The following GSTCD variants were observed in gnomAD, a reference collection of about 807,000 sequenced individuals.
GSTCD encodes the protein glutathione S-transferase C-terminal domain-containing protein.
In GSTCD, 44 loss-of-function variants were observed where a neutral mutation model predicts 68.3. The ratio of observed to expected loss-of-function variants is 0.64; its 90% CI spans 0.51 to 0.83. GSTCD has a LOEUF of 0.83. Among genes scored for constraint, GSTCD ranks in the 40% least tolerant of loss-of-function variants. GSTCD has a pLI of 0.00. For synonymous variants in GSTCD, 273 were observed against 255.2 expected (o/e 1.07, Z -0.67); for missense variants, 739 against 735.9 (o/e 1.00, Z -0.05).
chr4:105,712,125 C>T (rs939212175), intron 1 of GSTCD, among the ~76,000 whole-genome samples: 1 of 152,202 alleles, frequency 6.6e-6, no homozygotes, highest in South Asian at 2.1e-4. Flanking sequence ...TATGTACATT[C>T]ATTCCTTGAA....
chr4:105,827,028 C>G (rs564875009), intron 8 of GSTCD: 1 of 152,100 alleles, frequency 6.6e-6, no homozygotes, highest in East Asian at 1.9e-4. Context: ...CTACAGTTTA[C>G]TTCTCTTTTT....
At chr4:105,734,015 C>G (rs879304848) in intron 5 of GSTCD, among the ~76,000 whole-genome samples, 2 of 152,116 alleles carry the variant, frequency 1.3e-5, no homozygotes, top group Non-Finnish European at 2.9e-5. Flanking sequence ...AATATTGGCC[C>G]CCACTCTCTT....
chr4:105,711,660 G>T (rs1379957342), intron 1 of GSTCD, among the ~76,000 whole-genome samples: 1 of 152,080 alleles, frequency 6.6e-6, no homozygotes, highest in Non-Finnish European at 1.5e-5. Flanking sequence ...AGTTATTATT[G>T]TCTCCATTTT....
chr4:105,720,068 G>T (rs73839008), intron 3 of GSTCD, among the ~76,000 whole-genome samples: 1 of 152,044 alleles, frequency 6.6e-6, no homozygotes, highest in African/African-American at 2.4e-5. Context: ...GCTTTTCTCT[G>T]TTCTCTCTGA....
intron 5 of GSTCD, among the ~76,000 whole-genome samples, chr4:105,758,808 C>T (rs192707983): frequency 3.3e-5 from 5 of 152,246 alleles, no homozygotes; most frequent in African/African-American, 9.6e-5. Flanking sequence ...GTTAAAGAAC[C>T]TCTGCTTCAT....
rs375034080 is a variant in GSTCD, at chr4:105,824,799, C to T, written c.1402-873C>T. ...CCCTGTCCCCCCATCACTACTATCA[C>T]CATGACACACATTGTGCCCTGGAAA... On this transcript the variant is annotated intron_variant, in intron 7 of 11. Transcript: ENST00000515279. 3.9e-5 allele frequency among the ~76,000 whole-genome samples: 6 copies of T among 152,168 alleles called. No homozygotes were observed. In the South Asian group the frequency reaches 8.3e-4, roughly 21 times the overall value.
At chr4:105,720,682 A>G (rs963934858) in intron 3 of GSTCD, among the ~76,000 whole-genome samples, 1 of 152,188 alleles carries the variant, frequency 6.6e-6, no homozygotes, top group Non-Finnish European at 1.5e-5. Flanking sequence ...GAGTGGGAAG[A>G]AGACATTGAT....
At chr4:105,824,231 T>C (rs1304634087) in intron 7 of GSTCD, among the ~76,000 whole-genome samples, 1 of 152,168 alleles carries the variant, frequency 6.6e-6, no homozygotes, top group African/African-American at 2.4e-5. Context: ...TTATTTTTCT[T>C]TTCTTAGAGA....
intron 8 of GSTCD, among the ~76,000 whole-genome samples, chr4:105,827,903 A>T (rs1011615401): frequency 1.3e-5 from 2 of 152,214 alleles, no homozygotes; most frequent in African/African-American, 4.8e-5. Flanking sequence ...AAATTATTAA[A>T]TTTTATAATA....
chr4:105,838,702 T>C (rs1010337684), intron 10 of GSTCD, among the ~76,000 whole-genome samples: 39 of 152,196 alleles, frequency 2.6e-4, no homozygotes, highest in Non-Finnish European at 4.9e-4. Flanking sequence ...TAGTCACCAA[T>C]CTGATCAAAA....
intron 5 of GSTCD, among the ~76,000 whole-genome samples, chr4:105,759,811 A>G (rs753312834): frequency 6.6e-6 from 1 of 152,170 alleles, no homozygotes; most frequent in Non-Finnish European, 1.5e-5. Flanking sequence ...ATCCATGTGG[A>G]CTTAAACAAA....
At chr4:105,723,594 C>T (rs1025052817) in intron 3 of GSTCD, among the ~76,000 whole-genome samples, 1 of 151,770 alleles carries the variant, frequency 6.6e-6, no homozygotes, top group African/African-American at 2.4e-5. Flanking sequence ...GTATGAGTAT[C>T]TGTGGATTTG....
At chr4:105,752,939 G>A (rs1388800717) in intron 5 of GSTCD, among the ~76,000 whole-genome samples, 1 of 152,002 alleles carries the variant, frequency 6.6e-6, no homozygotes, top group Non-Finnish European at 1.5e-5. Flanking sequence ...TAGTTGTGTG[G>A]GGCCATTTTA....
intron 5 of GSTCD, among the ~76,000 whole-genome samples, chr4:105,747,558 A>G (rs749969011): frequency 2.6e-5 from 4 of 152,238 alleles, no homozygotes; most frequent in African/African-American, 4.8e-5. Flanking sequence ...AACAGTATCA[A>G]ACCTGTCCAA....
rs139004000 is a variant in GSTCD, at chr4:105,727,644, T to A, written c.1146+814T>A. Among the ~76,000 whole-genome samples, 365 of 152,144 alleles carry A rather than the reference T, an allele frequency of 2.4e-3. 2 individuals carry two copies. Among genetic ancestry groups the A allele is most frequent in the African/African-American group, 8.5e-3 (354 of 41,530 alleles). On this transcript the variant is annotated intron_variant, in intron 4 of 11. Transcript: ENST00000515279. ...TTTTTACTTTAATCTTTGATTTTAA[T>A]GTTTTTGTTACATAAAAGCCTGGGT...
At chr4:105,751,691 A>G (rs909056589) in intron 5 of GSTCD, among the ~76,000 whole-genome samples, 2 of 151,976 alleles carry the variant, frequency 1.3e-5, no homozygotes, top group African/African-American at 2.4e-5. Flanking sequence ...ACTTCAAGAC[A>G]TCTTGAGGAT....
chr4:105,768,994 A>G lies in GSTCD; in HGVS notation c.1240+39495A>G, dbSNP rs183752791. ...ATAGAATATAGAATATATTATTCTCATATAAACCATTCAATAAAACAAGTA... is the reference window on the plus strand; with the variant it reads ...ATAGAATATAGAATATATTATTCTCGTATAAACCATTCAATAAAACAAGTA... On this transcript the variant is annotated intron_variant, in intron 5 of 11. Transcript: ENST00000515279. 8.7e-4 allele frequency among the ~76,000 whole-genome samples: 133 copies of G among 152,122 alleles called. 1 individual carries two copies. The highest frequency in any genetic ancestry group is 4.4e-3 in the Admixed American group (67 of 15,278).
chr4:105,717,606 A>G lies in GSTCD; in HGVS notation c.-8A>G, dbSNP rs368071641. 62 of 1,539,602 alleles carry G rather than the reference A, an allele frequency of 4.0e-5. No homozygotes were observed. Among genetic ancestry groups the G allele is most frequent in the Non-Finnish European group, 5.1e-5 (59 of 1,148,808 alleles). On this transcript the variant is annotated 5_prime_UTR_variant, in exon 2 of 12. Coordinates refer to ENST00000515279, the MANE Select transcript of GSTCD (RefSeq NM_001370181.1). ...TTTATACTTTAGGTGACCCAATGAA[A>G]GAAGAAAATGAAAGCCATAAAGAAA...
chr4:105,744,486 T>C (rs1733736917), intron 5 of GSTCD, among the ~76,000 whole-genome samples: 1 of 152,222 alleles, frequency 6.6e-6, no homozygotes, highest in Non-Finnish European at 1.5e-5. Flanking sequence ...CACTCTTCTG[T>C]AAGAAAGTTT....
Sources: allele counts gnomAD v4.1 joint callset (sites outside exome capture counted in the v4.1 genomes callset), GRCh38; gene constraint gnomAD v4.1.1; transcripts MANE v1.5; gene names NCBI Gene and HGNC (gene_info 2026-07-23, HGNC 2026-07-21).